PRDM16: variants seen among roughly 807,000 people sequenced by gnomAD.
PRDM16 encodes the protein histone-lysine N-methyltransferase PRDM16.
PRDM16 carries 23 observed loss-of-function variants against 110.6 expected under a neutral mutation model. The observed-to-expected ratio is 0.21, with a 90% CI of 0.15 to 0.29. The LOEUF (loss-of-function observed/expected upper bound fraction) is 0.29, where lower values mean the gene tolerates loss of function less well. Among genes scored for constraint, PRDM16 ranks in the 10% least tolerant of loss-of-function variants. The pLI is 1.00. For synonymous variants in PRDM16, 799 were observed against 781.8 expected (o/e 1.02, Z -0.37); for missense variants, 1,615 against 1,794.3 (o/e 0.90, Z 1.81).
At chr1:3,250,643 C>T (rs977243706) in intron 3 of PRDM16, among the ~76,000 whole-genome samples, 1 of 152,180 alleles carries the variant, frequency 6.6e-6, no homozygotes, top group Non-Finnish European at 1.5e-5. Context: ...TACCACCCTG[C>T]GTGTCTGAGG....
At chr1:3,171,309 C>T (rs543322722) in intron 1 of PRDM16, among the ~76,000 whole-genome samples, 34 of 152,348 alleles carry the variant, frequency 2.2e-4, no homozygotes, top group Admixed American at 1.4e-3. Context: ...TCCTCCTCCT[C>T]GCTGTCCGGG....
At chr1:3,113,558 G>A (rs1270652134) in intron 1 of PRDM16, among the ~76,000 whole-genome samples, 3 of 152,162 alleles carry the variant, frequency 2.0e-5, no homozygotes, top group East Asian at 3.9e-4. Flanking sequence ...CAGCGGGAGG[G>A]GCCTGCGTCC....
At chr1:3,392,651 G>A (rs1643318255) in intron 4 of PRDM16, among the ~76,000 whole-genome samples, 1 of 152,222 alleles carries the variant, frequency 6.6e-6, no homozygotes, top group African/African-American at 2.4e-5. Context: ...TTAAAGACCT[G>A]TAAGGAGAAG....
intron 2 of PRDM16, among the ~76,000 whole-genome samples, chr1:3,217,639 C>T (rs920500202): frequency 3.9e-5 from 6 of 152,210 alleles, no homozygotes; most frequent in African/African-American, 1.4e-4. Context: ...TGGCTGAGTG[C>T]ACGCTGTCCA....
chr1:3,412,122 C>A lies in PRDM16; in HGVS notation c.1925C>A (p.Ser642Tyr). ...GACAAGGACAAGGGCAAGGGCAAGTCCGCCGAGGGCCAGCCCAAGTTTGGG... is the reference window on the plus strand; with the variant it reads ...GACAAGGACAAGGGCAAGGGCAAGTACGCCGAGGGCCAGCCCAAGTTTGGG... ...DPDKDKGKGKSAEGQPKFGGG... is the reference protein window; with the variant it reads ...DPDKDKGKGKYAEGQPKFGGG... Residue 642 changes from serine to tyrosine, a missense_variant, in exon 9 of 17, where the codon TCC (serine) becomes TAC (tyrosine). By Grantham distance (144) the Ser-to-Tyr change is moderately radical. Transcript: ENST00000270722. 6.4e-7 allele frequency: 1 copy of A among 1,566,468 alleles called. No homozygotes were observed.
At position 3,246,382 on chromosome 1, in the gene PRDM16, C is replaced by T. The variant is rs1050825138; in HGVS notation, c.438+2245C>T. On this transcript the variant is annotated intron_variant, in intron 3 of 16. Coordinates refer to ENST00000270722, the MANE Select transcript of PRDM16 (RefSeq NM_022114.4). This position sits in a 1 kb window ranked among gnomAD's most constrained non-coding sequence, Gnocchi z 5.2. Reference sequence around the variant, plus strand: ...TCGGGCTGAGGAGTCTCAGGTTCCGCCATCCCACGGAATCAGAGCAGACCC... The same window carrying T: ...TCGGGCTGAGGAGTCTCAGGTTCCGTCATCCCACGGAATCAGAGCAGACCC... 1.3e-5 allele frequency among the ~76,000 whole-genome samples: 2 copies of T among 152,214 alleles called. No homozygotes were observed. Among genetic ancestry groups the T allele is most frequent in the African/African-American group, 4.8e-5 (2 of 41,470 alleles).
intron 2 of PRDM16, among the ~76,000 whole-genome samples, chr1:3,231,631 G>A (rs550680195): frequency 1.8e-4 from 27 of 152,362 alleles, no homozygotes; most frequent in South Asian, 4.1e-4. Flanking sequence ...AAGGAAGGTC[G>A]GAGGAACATT....
chr1:3,305,085 A>G (rs1358548294), intron 3 of PRDM16, among the ~76,000 whole-genome samples: 1 of 152,154 alleles, frequency 6.6e-6, no homozygotes, highest in Admixed American at 6.5e-5. Context: ...CCCAGCCGGA[A>G]AGCCTGTGTA....
Position 3,162,160 on chromosome 1 carries a change from G to T in PRDM16, c.38-23965G>T, listed in dbSNP as rs146730364. Among the ~76,000 whole-genome samples, 42 of 152,248 alleles carry T rather than the reference G, an allele frequency of 2.8e-4. No homozygotes were observed. In the East Asian group the frequency reaches 7.7e-3, roughly 28 times the overall value. On this transcript the variant is annotated intron_variant, in intron 1 of 16. Transcript: ENST00000270722. ...ACCCGTGAGCGTGGCATTAGGTGGCGTTCAATATGCCCGGGCCACTGCGGA... is the reference window on the plus strand; with the variant it reads ...ACCCGTGAGCGTGGCATTAGGTGGCTTTCAATATGCCCGGGCCACTGCGGA...
chr1:3,404,522 C>T (rs1008044658), intron 6 of PRDM16, among the ~76,000 whole-genome samples: 3 of 152,244 alleles, frequency 2.0e-5, no homozygotes, highest in Admixed American at 6.5e-5. Context: ...ATCCAGGTGC[C>T]GGCTTCCCCA....
chr1:3,173,322 C>T (rs1317478858), intron 1 of PRDM16, among the ~76,000 whole-genome samples: 1 of 152,262 alleles, frequency 6.6e-6, no homozygotes, highest in African/African-American at 2.4e-5. Context: ...ATGACAGTGG[C>T]ATCGCGAGTC....
At chr1:3,406,227 A>G (rs1351499863) in intron 8 of PRDM16, among the ~76,000 whole-genome samples, 1 of 152,148 alleles carries the variant, frequency 6.6e-6, no homozygotes, top group Non-Finnish European at 1.5e-5. Context: ...GGTGGCAGGC[A>G]CAGCTCTGGG....
At chr1:3,150,864 T>G (rs963392318) in intron 1 of PRDM16, among the ~76,000 whole-genome samples, 1 of 99,022 alleles carries the variant, frequency 1.0e-5, no homozygotes, top group Non-Finnish European at 2.1e-5. Context: ...GGAGGCCGGG[T>G]GGGGGCGGGG....
At chr1:3,187,136 G>A (rs1488390200) in intron 2 of PRDM16, among the ~76,000 whole-genome samples, 2 of 152,234 alleles carry the variant, frequency 1.3e-5, no homozygotes, top group Non-Finnish European at 2.9e-5. Flanking sequence ...AGCACCCGGA[G>A]TGTCCTGCCC....
Position 3,438,595 on chromosome 1 carries a change from A to T in PRDM16, c.*4784A>T, listed in dbSNP as rs1457273323. 5.3e-6 allele frequency: 1 copy of T among 188,366 alleles called. No individual in the cohort carries two copies. Among genetic ancestry groups the T allele is most frequent in the East Asian group, 8.5e-5 (1 of 11,752 alleles). 11.7% of individuals were successfully genotyped at this position (188,366 alleles called of 1,614,324 possible). On this transcript the variant is annotated 3_prime_UTR_variant, in exon 17 of 17. Transcript: ENST00000270722. ...CAATGAATTTATACATGAGATTGAT[A>T]TGCAATAAATCTGTGTGCTTTTCTA...
At chr1:3,145,915 C>G (rs1354695851) in intron 1 of PRDM16, among the ~76,000 whole-genome samples, 1 of 152,228 alleles carries the variant, frequency 6.6e-6, no homozygotes, top group African/African-American at 2.4e-5. Flanking sequence ...AGGCTGACGT[C>G]CTGGAGAGGT....
At position 3,382,670 on chromosome 1, in the gene PRDM16, G is replaced by C. The variant is rs749590754; in HGVS notation, c.439-2482G>C. 3.3e-5 allele frequency among the ~76,000 whole-genome samples: 5 copies of C among 152,186 alleles called. No individual in the cohort carries two copies. The highest frequency in any genetic ancestry group is 6.5e-5 in the Admixed American group (1 of 15,286). On this transcript the variant is annotated intron_variant, in intron 3 of 16. Coordinates refer to ENST00000270722, the MANE Select transcript of PRDM16 (RefSeq NM_022114.4). This position sits in a 1 kb window ranked among gnomAD's most constrained non-coding sequence, Gnocchi z 6.6. ...GAAGTGGCCTGAGCCCCATCAGCTGGTCCCTGGGCTGAGGGGGATGCACTC... is the reference window on the plus strand; with the variant it reads ...GAAGTGGCCTGAGCCCCATCAGCTGCTCCCTGGGCTGAGGGGGATGCACTC...
At chr1:3,254,662 C>A (rs1293641007) in intron 3 of PRDM16, among the ~76,000 whole-genome samples, 1 of 152,090 alleles carries the variant, frequency 6.6e-6, no homozygotes, top group Non-Finnish European at 1.5e-5. Flanking sequence ...AAAGAGGATA[C>A]AAAGAAATGG....
intron 8 of PRDM16, among the ~76,000 whole-genome samples, chr1:3,407,526 C>CG (rs1016762622): frequency 1.9e-4 from 29 of 152,190 alleles, no homozygotes; most frequent in African/African-American, 6.7e-4. Flanking sequence ...GGGGCTGGGG[C>CG]GGGGGGTGAC....
Sources: gnomAD v4.1 joint callset for allele counts (sites outside exome capture counted in the v4.1 genomes callset) on GRCh38, gnomAD v4.1.1 for gene constraint, Gnocchi (gnomAD v3.1) non-coding constraint, MANE v1.5 for transcripts, NCBI Gene and HGNC (gene_info 2026-07-23, HGNC 2026-07-21) for gene names.